The following EFNA5 variants were observed in gnomAD, a reference collection of about 807,000 sequenced individuals.
The protein encoded by EFNA5 is ephrin-A5.
EFNA5 carries 5 observed loss-of-function variants against 22.9 expected under a neutral mutation model. The ratio of observed to expected loss-of-function variants is 0.22; its 90% CI spans 0.11 to 0.46. The LOEUF is 0.46. Among genes scored for constraint, EFNA5 ranks in the 20% least tolerant of loss-of-function variants. The pLI is 0.99. For synonymous variants in EFNA5, 113 were observed against 112.2 expected, an observed-to-expected ratio of 1.01 and a Z score of -0.04; for missense variants, 237 against 293.3, an observed-to-expected ratio of 0.81 and a Z score of 1.40.
At chr5:107,476,057 T>TATACATATATATATATATATATATA in intron 1 of EFNA5, among the ~76,000 whole-genome samples, 4 of 100,434 alleles carry the variant, frequency 4.0e-5, no homozygotes, top group East Asian at 3.4e-4. Context: ...TATATATATA[T>TATACATATATATATATATATATATA]TTTTTTTTTT....
chr5:107,454,739 T>A (rs1282101915), intron 1 of EFNA5, among the ~76,000 whole-genome samples: 1 of 152,168 alleles, frequency 6.6e-6, no homozygotes, highest in Non-Finnish European at 1.5e-5. Flanking sequence ...TGCTTACAAA[T>A]GTATCACATT....
chr5:107,522,082 G>A (rs1160425695), intron 1 of EFNA5, among the ~76,000 whole-genome samples: 1 of 152,164 alleles, frequency 6.6e-6, no homozygotes, highest in Non-Finnish European at 1.5e-5. Flanking sequence ...GTATTTTCAA[G>A]AATGAAAACT....
At chr5:107,393,134 C>T (rs1266307659) in intron 2 of EFNA5, among the ~76,000 whole-genome samples, 1 of 152,102 alleles carries the variant, frequency 6.6e-6, no homozygotes, top group East Asian at 1.9e-4. Flanking sequence ...AAGGAGAATG[C>T]CTTTCTTCAA....
intron 1 of EFNA5, among the ~76,000 whole-genome samples, chr5:107,502,769 G>A (rs926416512): frequency 7.2e-5 from 11 of 152,142 alleles, no homozygotes; most frequent in Non-Finnish European, 1.5e-4. Context: ...GGAACGACTC[G>A]CAGGCATACG....
chr5:107,481,620 G>C (rs1750462861), intron 1 of EFNA5, among the ~76,000 whole-genome samples: 2 of 152,092 alleles, frequency 1.3e-5, no homozygotes, highest in Non-Finnish European at 2.9e-5. Context: ...CGGAGGCCAA[G>C]GTGGGTGGAT....
At chr5:107,481,863 A>AG (rs1750475405) in intron 1 of EFNA5, among the ~76,000 whole-genome samples, 1 of 149,954 alleles carries the variant, frequency 6.7e-6, no homozygotes, top group African/African-American at 2.5e-5. Flanking sequence ...AAAAAAAAAA[A>AG]GAAAAGAAAT....
At chr5:107,615,010 T>G (rs892765316) in intron 1 of EFNA5, among the ~76,000 whole-genome samples, 3 of 152,166 alleles carry the variant, frequency 2.0e-5, no homozygotes, top group Admixed American at 2.0e-4. Context: ...AATGTTTTGA[T>G]GTTGGAAAAT....
intron 1 of EFNA5, among the ~76,000 whole-genome samples, chr5:107,562,432 T>A (rs1561433806): frequency 6.6e-6 from 1 of 152,102 alleles, no homozygotes. Flanking sequence ...GCATTCTAGG[T>A]CACTTTTTGT....
intron 1 of EFNA5, among the ~76,000 whole-genome samples, chr5:107,622,846 C>T (rs1026028252): frequency 6.6e-6 from 1 of 151,008 alleles, no homozygotes; most frequent in South Asian, 2.1e-4. Flanking sequence ...GAGGTGAAAC[C>T]CCGTCTCTAC....
chr5:107,570,554 C>T (rs1175613728), intron 1 of EFNA5, among the ~76,000 whole-genome samples: 1 of 150,864 alleles, frequency 6.6e-6, no homozygotes, highest in East Asian at 2.0e-4. Flanking sequence ...ACTTCCTGGT[C>T]GGTGTCCAAA....
chr5:107,509,578 G>A (rs577887440), intron 1 of EFNA5, among the ~76,000 whole-genome samples: 171 of 149,040 alleles, frequency 1.1e-3, no homozygotes, highest in Middle Eastern at 3.5e-3. Flanking sequence ...TGATCCGCCC[G>A]CCTTGGCCTC....
At chr5:107,457,243 T>C (rs1749719049) in intron 1 of EFNA5, among the ~76,000 whole-genome samples, 2 of 152,128 alleles carry the variant, frequency 1.3e-5, no homozygotes, top group African/African-American at 4.8e-5. Context: ...CCTGTTATGA[T>C]CTAAAGTTCT....
intron 1 of EFNA5, among the ~76,000 whole-genome samples, chr5:107,517,951 T>C (rs1054588714): frequency 1.3e-5 from 2 of 152,178 alleles, no homozygotes; most frequent in Non-Finnish European, 2.9e-5. Flanking sequence ...ATTTTTCTTA[T>C]GCAATGAAGT....
intron 1 of EFNA5, among the ~76,000 whole-genome samples, chr5:107,442,993 C>T (rs983611892): frequency 1.4e-5 from 2 of 148,016 alleles, no homozygotes; most frequent in African/African-American, 2.5e-5. Flanking sequence ...GTACCTACCT[C>T]AAACCAGAGT....
chr5:107,642,693 G>A (rs968560916), intron 1 of EFNA5, among the ~76,000 whole-genome samples: 11 of 152,184 alleles, frequency 7.2e-5, no homozygotes, highest in Middle Eastern at 3.4e-3. Flanking sequence ...GATGGTATGA[G>A]GAGAGAAGAA....
At chr5:107,639,191 TG>T (rs1384343388) in intron 1 of EFNA5, among the ~76,000 whole-genome samples, 2 of 152,134 alleles carry the variant, frequency 1.3e-5, no homozygotes, top group Non-Finnish European at 2.9e-5. Flanking sequence ...AATTTTAAAA[TG>T]GGGGGTTATT....
At chr5:107,594,433 A>G (rs1561444105) in intron 1 of EFNA5, among the ~76,000 whole-genome samples, 1 of 152,114 alleles carries the variant, frequency 6.6e-6, no homozygotes, top group Non-Finnish European at 1.5e-5. Flanking sequence ...GAGAGGAAAA[A>G]CTGAGCCAGG....
At chr5:107,578,309 G>A (rs954174482) in intron 1 of EFNA5, among the ~76,000 whole-genome samples, 1 of 152,180 alleles carries the variant, frequency 6.6e-6, no homozygotes, top group African/African-American at 2.4e-5. Flanking sequence ...AATCCATGAA[G>A]TCTGAGGTAA....
Position 107,660,295 on chromosome 5 carries a change from T to A in EFNA5, c.125+10194A>T, listed in dbSNP as rs1282253568. ...ATATATATATATATATATATATATA[T>A]ATATATATATATATATATATTTGGC... is the stretch of plus-strand genomic sequence containing the variant. On this transcript the variant is annotated intron_variant, in intron 1 of 4. Transcript: ENST00000333274. Among the ~76,000 whole-genome samples, 8 of 117,642 alleles carry A rather than the reference T, an allele frequency of 6.8e-5. 1 individual carries two copies. The highest frequency in any genetic ancestry group is 8.0e-3 in the Middle Eastern group (2 of 250). The allele number at this position is 117,642 out of a possible 152,430, so 77.2% of individuals were successfully genotyped here.
Sources: gnomAD v4.1 joint callset for allele counts (sites outside exome capture counted in the v4.1 genomes callset) on GRCh38, gnomAD v4.1.1 for gene constraint, MANE v1.5 for transcripts, NCBI Gene and HGNC (gene_info 2026-07-23, HGNC 2026-07-21) for gene names.